The following VTI1A variants were observed in gnomAD, a reference collection of about 807,000 sequenced individuals.
The protein encoded by VTI1A is vesicle transport through interaction with t-SNAREs 1A.
VTI1A carries 22 observed loss-of-function variants against 34.9 expected under a neutral mutation model. The ratio of observed to expected loss-of-function variants is 0.63; its 90% CI spans 0.45 to 0.90. The LOEUF (loss-of-function observed/expected upper bound fraction) is 0.90. Among genes scored for constraint, VTI1A ranks in the 40% least tolerant of loss-of-function variants. VTI1A has a pLI of 0.00. For synonymous variants in VTI1A, 87 were observed against 97.3 expected, an observed-to-expected ratio of 0.89 and a Z score of 0.62; for missense variants, 268 against 275.6, an observed-to-expected ratio of 0.97 and a Z score of 0.20.
At chr10:112,456,118 G>A (rs993548939) in intron 1 of VTI1A, among the ~76,000 whole-genome samples, 2 of 152,114 alleles carry the variant, frequency 1.3e-5, no homozygotes, top group African/African-American at 2.4e-5. Context: ...AGCCGGCAAT[G>A]AGCCTGAAGA....
At chr10:112,581,942 G>T (rs1425490053) in intron 5 of VTI1A, among the ~76,000 whole-genome samples, 1 of 152,198 alleles carries the variant, frequency 6.6e-6, no homozygotes, top group East Asian at 1.9e-4. Flanking sequence ...CATGTTTGAT[G>T]TGCAAATGCA....
At chr10:112,682,690 G>C (rs1848257587) in intron 7 of VTI1A, among the ~76,000 whole-genome samples, 1 of 152,320 alleles carries the variant, frequency 6.6e-6, no homozygotes, top group East Asian at 1.9e-4. Flanking sequence ...ACTAGATTCT[G>C]GATGAACATT....
At chr10:112,554,298 A>T (rs995558763) in intron 5 of VTI1A, among the ~76,000 whole-genome samples, 5 of 152,212 alleles carry the variant, frequency 3.3e-5, no homozygotes, top group African/African-American at 1.2e-4. Context: ...GCCCAGAGGA[A>T]CTTAAGGAAA....
rs528004225 is a variant in VTI1A, at chr10:112,713,557, G to A, written c.560+44559G>A. ...ACACAACTCTCAAGTCTCAGAGCCAGGATTGCAGCAGCTCCAGTCTATCAG... is the reference window on the plus strand; with the variant it reads ...ACACAACTCTCAAGTCTCAGAGCCAAGATTGCAGCAGCTCCAGTCTATCAG... On this transcript the variant is annotated intron_variant, in intron 7 of 7. Transcript: ENST00000393077. Among the ~76,000 whole-genome samples the A allele has an allele frequency of 4.6e-5, 7 of 152,302 alleles. No homozygotes were observed. The South Asian group carries it at 1.5e-3, about 32-fold the overall frequency.
At chr10:112,836,966 A>G in the VTI1A span, among the ~76,000 whole-genome samples, 10,267 of 152,270 alleles carry the variant, frequency 0.067, 1,183 homozygotes, top group African/African-American at 0.23. Context: ...GGATCTTCAG[A>G]GCCACTTCGG....
intron 7 of VTI1A, among the ~76,000 whole-genome samples, chr10:112,772,077 T>C (rs1851828641): frequency 6.6e-6 from 1 of 152,210 alleles, no homozygotes; most frequent in Non-Finnish European, 1.5e-5. Flanking sequence ...TTGGAGTGGA[T>C]TGGCTAGATC....
At chr10:112,567,184 C>T (rs886491162) in intron 5 of VTI1A, among the ~76,000 whole-genome samples, 1 of 152,072 alleles carries the variant, frequency 6.6e-6, no homozygotes, top group African/African-American at 2.4e-5. Context: ...CACAGCCCAC[C>T]ATGCCCGGCT....
chr10:112,811,114 C>G (rs1283543636), intron 7 of VTI1A, among the ~76,000 whole-genome samples: 1 of 152,122 alleles, frequency 6.6e-6, no homozygotes, highest in Non-Finnish European at 1.5e-5. Flanking sequence ...AGTGACAACC[C>G]CCAGTCCTCA....
the VTI1A span, chr10:112,823,992 C>G: frequency 6.6e-6 from 1 of 152,282 alleles, no homozygotes; most frequent in Non-Finnish European, 1.5e-5. Context: ...AAATTGGTAA[C>G]AGGTCCAGGA....
chr10:112,841,365 C>T, the VTI1A span, among the ~76,000 whole-genome samples: 1 of 152,158 alleles, frequency 6.6e-6, no homozygotes, highest in South Asian at 2.1e-4. Flanking sequence ...GGAAAACAAC[C>T]GAATTGCTGT....
intron 7 of VTI1A, among the ~76,000 whole-genome samples, chr10:112,765,017 A>T (rs1397175316): frequency 6.6e-6 from 1 of 152,232 alleles, no homozygotes; most frequent in Non-Finnish European, 1.5e-5. Flanking sequence ...CATTGCTACA[A>T]CAGCAATGAT....
At chr10:112,838,506 A>G in the VTI1A span, among the ~76,000 whole-genome samples, 1 of 152,250 alleles carries the variant, frequency 6.6e-6, no homozygotes, top group East Asian at 1.9e-4. Flanking sequence ...CCCCTAGACT[A>G]ATTTGTATTT....
At chr10:112,468,887 G>A (rs565530273) in intron 3 of VTI1A, among the ~76,000 whole-genome samples, 33 of 151,534 alleles carry the variant, frequency 2.2e-4, no homozygotes, top group Admixed American at 5.9e-4. Flanking sequence ...ACATCCACTG[G>A]GTCACTGAGA....
chr10:112,497,004 G>A (rs1849049978), intron 3 of VTI1A, among the ~76,000 whole-genome samples: 1 of 152,154 alleles, frequency 6.6e-6, no homozygotes, highest in South Asian at 2.1e-4. Flanking sequence ...ATGAGGACAT[G>A]TGACTAGATT....
At chr10:112,621,454 T>C (rs1023266466) in intron 5 of VTI1A, among the ~76,000 whole-genome samples, 1 of 152,186 alleles carries the variant, frequency 6.6e-6, no homozygotes, top group East Asian at 1.9e-4. Context: ...TTTATGTAAG[T>C]TTTTCATAGT....
At chr10:112,691,451 G>C (rs1848614113) in intron 7 of VTI1A, among the ~76,000 whole-genome samples, 1 of 152,058 alleles carries the variant, frequency 6.6e-6, no homozygotes, top group African/African-American at 2.4e-5. Flanking sequence ...CTCTCTGAGA[G>C]AGCTAGTTTA....
At chr10:112,502,191 C>A (rs1317308586) in intron 3 of VTI1A, among the ~76,000 whole-genome samples, 13 of 151,778 alleles carry the variant, frequency 8.6e-5, no homozygotes, top group Admixed American at 8.5e-4. Flanking sequence ...CCACACCCAG[C>A]TAATTTTTTT....
At chr10:112,447,615 G>T in intron 1 of VTI1A, 148 bp downstream of exon 1, 1 of 934,212 alleles carries the variant, frequency 1.1e-6, no homozygotes, top group South Asian at 1.6e-5. Flanking sequence ...GCTTGGCTTG[G>T]TTGAGGGTAA....
intron 5 of VTI1A, among the ~76,000 whole-genome samples, chr10:112,603,369 A>C (rs919715685): frequency 6.6e-6 from 1 of 152,218 alleles, no homozygotes; most frequent in Non-Finnish European, 1.5e-5. Flanking sequence ...GACCATTGAT[A>C]TATAGCAGAG....
Sources: gnomAD v4.1 joint callset for allele counts (sites outside exome capture counted in the v4.1 genomes callset) on GRCh38, gnomAD v4.1.1 for gene constraint, MANE v1.5 for transcripts, NCBI Gene and HGNC (gene_info 2026-07-23, HGNC 2026-07-21) for gene names.